Variants in THSD7B observed in about 807,000 individuals in gnomAD.
The protein encoded by THSD7B is thrombospondin type-1 domain-containing protein 7B.
In THSD7B, 138 loss-of-function variants were observed where a neutral mutation model predicts 213.6. The ratio of observed to expected loss-of-function variants is 0.65; its 90% CI spans 0.56 to 0.74. The LOEUF is 0.74. THSD7B is among the 30% of genes least tolerant of loss of function. The pLI is 0.00. For synonymous variants in THSD7B, 742 were observed against 687.0 expected (o/e 1.08, Z -1.25); for missense variants, 1,931 against 1,991.5 (o/e 0.97, Z 0.58).
rs763445594 is a variant in THSD7B, at chr2:136,983,370, C to CACACA, written c.140-73050_140-73049insACACA. Among the ~76,000 whole-genome samples the CACACA allele has an allele frequency of 1.5e-4, 21 of 144,234 alleles. 1 individual carries two copies. The highest frequency in any genetic ancestry group is 2.3e-4 in the Non-Finnish European group (15 of 65,508). 94.6% of individuals were successfully genotyped at this position (144,234 alleles called of 152,430 possible). On this transcript the variant is annotated intron_variant, in intron 2 of 27. Coordinates refer to ENST00000409968, the MANE Select transcript of THSD7B (RefSeq NM_001316349.2). Reference sequence around the variant, plus strand: ...ACACAGACACACAGACACACACACACGCACACACACTCACTCTCTCTCTCT... The same window carrying CACACA: ...ACACAGACACACAGACACACACACACACACAGCACACACACTCACTCTCTCTCTCT...
chr2:137,110,617 G>A (rs571458758), intron 4 of THSD7B, among the ~76,000 whole-genome samples: 1 of 152,276 alleles, frequency 6.6e-6, no homozygotes, highest in South Asian at 2.1e-4. Context: ...GCAATGTTGG[G>A]AATTTGATTT....
intron 2 of THSD7B, among the ~76,000 whole-genome samples, chr2:136,948,410 C>A (rs1470377020): frequency 6.7e-6 from 1 of 148,640 alleles, no homozygotes; most frequent in Non-Finnish European, 1.5e-5. Context: ...CTGAATGACA[C>A]CCCATCCCCC....
intron 6 of THSD7B, among the ~76,000 whole-genome samples, chr2:137,164,822 T>A (rs183490322): frequency 6.6e-6 from 1 of 152,014 alleles, no homozygotes; most frequent in Non-Finnish European, 1.5e-5. Flanking sequence ...TAGGTGGGAA[T>A]TGAACAATGA....
At chr2:136,994,180 C>T (rs547230980) in intron 2 of THSD7B, among the ~76,000 whole-genome samples, 1 of 152,246 alleles carries the variant, frequency 6.6e-6, no homozygotes, top group East Asian at 1.9e-4. Flanking sequence ...TTGACGAGGG[C>T]TGGCATAAAA....
chr2:137,518,578 C>G (rs1302103217), intron 15 of THSD7B, among the ~76,000 whole-genome samples: 4 of 152,140 alleles, frequency 2.6e-5, no homozygotes, highest in Non-Finnish European at 5.9e-5. Flanking sequence ...TATTTGTATC[C>G]TATATGAGTG....
rs556859936 is a variant in THSD7B, at chr2:137,028,446, A to G, written c.140-27974A>G. ...AATATGTCACTTAAAGGGAAATTTC[A>G]TTGTTGCTCCAGAATGTAGATATTA... On this transcript the variant is annotated intron_variant, in intron 2 of 27. Coordinates refer to ENST00000409968, the MANE Select transcript of THSD7B (RefSeq NM_001316349.2). Among the ~76,000 whole-genome samples the G allele has an allele frequency of 8.5e-5, 13 of 152,346 alleles. 1 individual carries two copies. The South Asian group carries it at 2.7e-3, about 32-fold the overall frequency.
Position 137,182,675 on chromosome 2 carries a change from G to A in THSD7B, c.1723+11737G>A, listed in dbSNP as rs778886673. On this transcript the variant is annotated intron_variant, in intron 7 of 27. Transcript: ENST00000409968. ...TAATATAGCTGCCAGCATAGGTTGA[G>A]TGCACCCTGAAAATTATACTGATGA... Among the ~76,000 whole-genome samples, 116 of 152,134 alleles carry A rather than the reference G, an allele frequency of 7.6e-4. 2 individuals are homozygous for A. The highest frequency in any genetic ancestry group is 2.9e-4 in the Non-Finnish European group (20 of 68,012).
At chr2:137,506,348 A>T (rs1679834612) in intron 15 of THSD7B, among the ~76,000 whole-genome samples, 1 of 152,288 alleles carries the variant, frequency 6.6e-6, no homozygotes, top group South Asian at 2.1e-4. Flanking sequence ...GATGTTGGAT[A>T]TGTCCTTGGG....
rs1050499181 is a variant in THSD7B at position 137,506,231 on chromosome 2, A to C, written c.3138+55208A>C. Among the ~76,000 whole-genome samples, 3 of 152,178 alleles carry C rather than the reference A, an allele frequency of 2.0e-5. No homozygotes were observed. In the East Asian group the frequency reaches 5.8e-4, roughly 29 times the overall value. ...ACATTACAGAAGCTAGAATGAGGCT[A>C]ACACAGTCATTGGCTTTGTTTCAGA... is the stretch of plus-strand genomic sequence containing the variant. On this transcript the variant is annotated intron_variant, in intron 15 of 27. Coordinates refer to ENST00000409968, the MANE Select transcript of THSD7B (RefSeq NM_001316349.2).
chr2:137,574,314 T>A (rs1681415921), intron 17 of THSD7B, among the ~76,000 whole-genome samples: 1 of 152,078 alleles, frequency 6.6e-6, no homozygotes. Flanking sequence ...ATTATTTAAT[T>A]TTTGGAGTGT....
chr2:136,901,542 A>G (rs1684063036), intron 2 of THSD7B, among the ~76,000 whole-genome samples: 1 of 152,240 alleles, frequency 6.6e-6, no homozygotes, highest in Non-Finnish European at 1.5e-5. Context: ...GAAATGGGAA[A>G]TTTGAGAAGA....
At chr2:137,481,039 T>C (rs1337693500) in intron 15 of THSD7B, among the ~76,000 whole-genome samples, 2 of 152,198 alleles carry the variant, frequency 1.3e-5, no homozygotes, top group Non-Finnish European at 2.9e-5. Context: ...GGATACAGCA[T>C]TTGTCCCCTC....
At chr2:137,232,173 G>A (rs929708169) in intron 8 of THSD7B, among the ~76,000 whole-genome samples, 5 of 152,226 alleles carry the variant, frequency 3.3e-5, no homozygotes, top group East Asian at 3.9e-4. Flanking sequence ...GGCAAAGATC[G>A]ATGCTTTAGA....
intron 2 of THSD7B, among the ~76,000 whole-genome samples, chr2:136,936,569 A>G (rs1684734447): frequency 6.6e-6 from 1 of 152,176 alleles, no homozygotes. Context: ...GTAACTCAGG[A>G]ATGGGAAACC....
At chr2:136,927,525 A>G (rs6735823) in intron 2 of THSD7B, among the ~76,000 whole-genome samples, 63,136 of 152,126 alleles carry the variant, frequency 0.42, 15,075 homozygotes, top group Non-Finnish European at 0.55. Flanking sequence ...TCAGGGATGA[A>G]CCATTGTTCA....
At chr2:136,950,547 T>C (rs1211595656) in intron 2 of THSD7B, among the ~76,000 whole-genome samples, 1 of 152,216 alleles carries the variant, frequency 6.6e-6, no homozygotes, top group Non-Finnish European at 1.5e-5. Context: ...GTCCTTGTCA[T>C]AAACGTGACT....
intron 3 of THSD7B, among the ~76,000 whole-genome samples, chr2:137,078,713 G>A (rs981154813): frequency 5.3e-5 from 8 of 150,526 alleles, no homozygotes; most frequent in East Asian, 3.9e-4. Context: ...ATTTATTTTC[G>A]TGTGCCTGAC....
rs139565197 is a variant in THSD7B at position 137,227,382 on chromosome 2, C to G, written c.1724-3662C>G. ...GAGTGCTGGGAATAATTTTACAGAG[C>G]CTTTTTGAAAGATGAATTCAATTTC... is the stretch of plus-strand genomic sequence containing the variant. On this transcript the variant is annotated intron_variant, in intron 7 of 27. Coordinates refer to ENST00000409968, the MANE Select transcript of THSD7B (RefSeq NM_001316349.2). Among the ~76,000 whole-genome samples, 459 of 152,182 alleles carry G rather than the reference C, an allele frequency of 3.0e-3. 3 individuals are homozygous for G. Among genetic ancestry groups the G allele is most frequent in the African/African-American group, 0.01 (435 of 41,526 alleles).
intron 1 of THSD7B, among the ~76,000 whole-genome samples, chr2:136,773,242 G>A (rs564848628): frequency 2.6e-5 from 4 of 152,148 alleles, no homozygotes; most frequent in South Asian, 4.1e-4. Flanking sequence ...GCTACTCTAC[G>A]TGGATTAACT....
Sources: allele counts gnomAD v4.1 joint callset (sites outside exome capture counted in the v4.1 genomes callset), GRCh38; gene constraint gnomAD v4.1.1; transcripts MANE v1.5; gene names NCBI Gene and HGNC (gene_info 2026-07-23, HGNC 2026-07-21).